DYNC1I1: variants seen among roughly 807,000 people sequenced by gnomAD.
DYNC1I1 encodes the protein dynein cytoplasmic 1 intermediate chain 1, also known as cytoplasmic dynein 1 intermediate chain 1.
DYNC1I1 carries 43 observed loss-of-function variants against 86.6 expected under a neutral mutation model. The observed-to-expected ratio is 0.50, with a 90% CI of 0.39 to 0.64. DYNC1I1 has a LOEUF of 0.64. Among genes scored for constraint, DYNC1I1 ranks in the 30% least tolerant of loss-of-function variants. The pLI is 0.00. For missense variants in DYNC1I1, 604 were observed against 788.8 expected (o/e 0.77, Z 2.81); for synonymous variants, 262 against 283.7 (o/e 0.92, Z 0.77).
chr7:95,999,939 A>G (rs1193995844), intron 10 of DYNC1I1, among the ~76,000 whole-genome samples: 3 of 152,184 alleles, frequency 2.0e-5, no homozygotes, highest in African/African-American at 4.8e-5. Flanking sequence ...ACGGCTGTGG[A>G]CACAGAGATA....
intron 2 of DYNC1I1, among the ~76,000 whole-genome samples, chr7:95,806,119 T>C (rs1016045234): frequency 4.6e-5 from 7 of 152,200 alleles, no homozygotes; most frequent in African/African-American, 1.7e-4. Context: ...TGACAAGGAA[T>C]GGCTATTCAT....
chr7:95,865,834 T>C (rs923198537), intron 5 of DYNC1I1, among the ~76,000 whole-genome samples: 2 of 152,194 alleles, frequency 1.3e-5, no homozygotes, highest in Non-Finnish European at 2.9e-5. Context: ...AAGTGCGGTC[T>C]GTGATATTTG....
At chr7:95,875,208 TGGGTG>T (rs1790278300) in intron 6 of DYNC1I1, among the ~76,000 whole-genome samples, 1 of 152,026 alleles carries the variant, frequency 6.6e-6, no homozygotes, top group African/African-American at 2.4e-5. Context: ...TTTAGAACAA[TGGGTG>T]TTTGGATGCT....
rs544229973 is a variant in DYNC1I1, at chr7:96,068,588, G to A, written c.1510-7469G>A. ...TTGATAGGATAAATCTGGGCACTTGGGTATACATTTCTTGAAAAACATAAA... is the reference window on the plus strand; with the variant it reads ...TTGATAGGATAAATCTGGGCACTTGAGTATACATTTCTTGAAAAACATAAA... On this transcript the variant is annotated intron_variant, in intron 14 of 16. Coordinates refer to ENST00000447467, the MANE Select transcript of DYNC1I1 (RefSeq NM_001135556.2). 7.9e-5 allele frequency among the ~76,000 whole-genome samples: 12 copies of A among 152,052 alleles called. No individual in the cohort carries two copies. In the South Asian group the frequency reaches 2.5e-3, roughly 32 times the overall value.
At chr7:95,901,968 A>G (rs1269746936) in intron 6 of DYNC1I1, among the ~76,000 whole-genome samples, 1 of 152,224 alleles carries the variant, frequency 6.6e-6, no homozygotes, top group African/African-American at 2.4e-5. Flanking sequence ...CTGATTCTCC[A>G]ACTTTAGTGG....
chr7:96,046,658 C>T (rs1584275693), intron 14 of DYNC1I1, among the ~76,000 whole-genome samples: 1 of 152,244 alleles, frequency 6.6e-6, no homozygotes, highest in East Asian at 1.9e-4. Context: ...GTTTGGTCAT[C>T]CAGGTGAGAG....
At chr7:95,872,506 G>T (rs1790199675) in intron 6 of DYNC1I1, among the ~76,000 whole-genome samples, 1 of 152,080 alleles carries the variant, frequency 6.6e-6, no homozygotes. Flanking sequence ...AAAATGAAGG[G>T]GAAGGCACTT....
chr7:95,982,847 TG>T (rs937579891), intron 7 of DYNC1I1, among the ~76,000 whole-genome samples: 1 of 152,224 alleles, frequency 6.6e-6, no homozygotes, highest in Non-Finnish European at 1.5e-5. Flanking sequence ...AGTTCCATTT[TG>T]TAGTTTTATT....
At chr7:96,011,284 C>T (rs182179385) in intron 10 of DYNC1I1, among the ~76,000 whole-genome samples, 1 of 152,190 alleles carries the variant, frequency 6.6e-6, no homozygotes, top group Non-Finnish European at 1.5e-5. Context: ...TTAATATGTA[C>T]CAATCTGCCC....
At chr7:95,849,751 A>G (rs748703015) in intron 5 of DYNC1I1, among the ~76,000 whole-genome samples, 4 of 152,062 alleles carry the variant, frequency 2.6e-5, no homozygotes, top group Non-Finnish European at 5.9e-5. Flanking sequence ...CTAGTTCTGT[A>G]AAAAATTTCG....
chr7:95,981,122 T>A (rs571129826), intron 7 of DYNC1I1, among the ~76,000 whole-genome samples: 22 of 152,270 alleles, frequency 1.4e-4, no homozygotes, highest in African/African-American at 4.6e-4. Flanking sequence ...TAGATATTTT[T>A]AAAATATCTT....
At chr7:96,034,514 T>C (rs1201952464) in intron 12 of DYNC1I1, among the ~76,000 whole-genome samples, 1 of 152,168 alleles carries the variant, frequency 6.6e-6, no homozygotes, top group African/African-American at 2.4e-5. Context: ...CAGGGAGGAA[T>C]AGGGGCATCC....
At chr7:96,014,841 T>G (rs1048773430) in intron 10 of DYNC1I1, among the ~76,000 whole-genome samples, 1 of 152,326 alleles carries the variant, frequency 6.6e-6, no homozygotes, top group African/African-American at 2.4e-5. Flanking sequence ...CTGAGTTAGA[T>G]GCATATTAAA....
chr7:95,898,129 T>C (rs1790936309), intron 6 of DYNC1I1, among the ~76,000 whole-genome samples: 1 of 152,102 alleles, frequency 6.6e-6, no homozygotes, highest in African/African-American at 2.4e-5. Context: ...ACAGGTTAGA[T>C]GGCCACGCAC....
chr7:96,048,135 T>C (rs1348782853), intron 14 of DYNC1I1, among the ~76,000 whole-genome samples: 2 of 152,120 alleles, frequency 1.3e-5, no homozygotes, highest in African/African-American at 2.4e-5. Flanking sequence ...GACCAGGTCC[T>C]GTAAGAGATG....
At chr7:95,814,123 C>A (rs954665378) in intron 4 of DYNC1I1, among the ~76,000 whole-genome samples, 1 of 152,124 alleles carries the variant, frequency 6.6e-6, no homozygotes, top group Non-Finnish European at 1.5e-5. Context: ...CAACTGCACC[C>A]AATTCTTAAA....
chr7:95,957,180 A>G (rs1792738669), intron 6 of DYNC1I1, among the ~76,000 whole-genome samples: 1 of 152,210 alleles, frequency 6.6e-6, no homozygotes, highest in African/African-American at 2.4e-5. Flanking sequence ...AATATTCCTT[A>G]TGTGAAATAT....
chr7:95,804,645 T>A (rs993877227), intron 1 of DYNC1I1, 76 bp from the exon 2 acceptor site: 1 of 1,404,460 alleles, frequency 7.1e-7, no homozygotes, highest in Non-Finnish European at 9.4e-7. Flanking sequence ...TTGCATTTTC[T>A]TTAAAATGAT....
intron 1 of DYNC1I1, among the ~76,000 whole-genome samples, chr7:95,777,442 C>T (rs910621521): frequency 1.3e-5 from 2 of 152,222 alleles, no homozygotes; most frequent in African/African-American, 4.8e-5. Context: ...GCAGCTGTGT[C>T]ATGATCCGGA....
Sources: gnomAD v4.1 joint callset for allele counts (sites outside exome capture counted in the v4.1 genomes callset) on GRCh38, gnomAD v4.1.1 for gene constraint, MANE v1.5 for transcripts, NCBI Gene and HGNC (gene_info 2026-07-23, HGNC 2026-07-21) for gene names.